The following CCDC9 variants were observed in gnomAD, a reference collection of about 807,000 sequenced individuals.
CCDC9 encodes the protein coiled-coil domain-containing protein 9.
In CCDC9, 52 loss-of-function variants were observed where a neutral mutation model predicts 65.6. The observed-to-expected ratio is 0.79, with a 90% CI of 0.63 to 1.00. The LOEUF is 1.00. CCDC9 is among the 50% of genes least tolerant of loss of function. The probability of loss-of-function intolerance (pLI) is 0.00; values close to 1 mark genes in which losing one functional copy is unlikely to be tolerated. For synonymous variants in CCDC9, 332 were observed against 280.3 expected (o/e 1.18, Z -1.84); for missense variants, 834 against 757.2 (o/e 1.10, Z -1.19).
At position 47,271,313 on chromosome 19, in the gene CCDC9, G is replaced by GATGAGGGGGAAGAGA. The variant is rs1568642044; in HGVS notation, c.1232_1233insTGAGGGGGAAGAGAA (p.Asn416_Glu420dup). ...AGCTCCTGCCCACCGGCCTCCTGAA[G>GATGAGGGGGAAGAGA]ACGAGGGGGAAGAGAATGAGGGGGA... On this transcript the variant is annotated inframe_insertion, in exon 12 of 12. Transcript: ENST00000221922. 6.2e-7 allele frequency: 1 copy of GATGAGGGGGAAGAGA among 1,612,588 alleles called. No homozygotes were observed. Among genetic ancestry groups the GATGAGGGGGAAGAGA allele is most frequent in the East Asian group, 2.2e-5 (1 of 44,782 alleles).
chr19:47,267,317 C>T (rs1038152349), intron 8 of CCDC9, among the ~76,000 whole-genome samples: 1 of 152,100 alleles, frequency 6.6e-6, no homozygotes, highest in African/African-American at 2.4e-5. Flanking sequence ...CTCTGTCGCC[C>T]AGGCTGGATG....
intron 5 of CCDC9, 109 bp downstream of exon 5, chr19:47,260,948 C>T (rs2059041319): frequency 2.3e-6 from 3 of 1,292,854 alleles, no homozygotes; most frequent in Non-Finnish European, 3.2e-6. Flanking sequence ...CTTTCAGTAT[C>T]TCTCTCTGAG....
chr19:47,275,267 CT>C, downstream of CCDC9: 1 of 1,543,102 alleles, frequency 6.5e-7, no homozygotes, highest in South Asian at 1.2e-5. Context: ...GCCGCCGCCG[CT>C]ACAGCGACCC....
At chr19:47,273,622 C>T (rs1429140514), downstream of CCDC9, 10 of 394,166 alleles carry the variant, frequency 2.5e-5, no homozygotes, top group Non-Finnish European at 4.5e-5. Flanking sequence ...TAGTCGGGTG[C>T]AGGCCCCACC....
chr19:47,270,354 C>T, intron 8 of CCDC9, 53 bp from the exon 9 acceptor site: 5 of 1,577,190 alleles, frequency 3.2e-6, no homozygotes, highest in South Asian at 1.1e-5. Flanking sequence ...CTTCTTGATC[C>T]TCTTGTTACC....
intron 5 of CCDC9, among the ~76,000 whole-genome samples, chr19:47,264,400 C>T (rs1256017044): frequency 3.3e-5 from 5 of 152,236 alleles, no homozygotes; most frequent in South Asian, 2.1e-4. Context: ...ATGCAGCGTA[C>T]AGCGTGTTGT....
chr19:47,263,672 T>A (rs2059060425), intron 5 of CCDC9, among the ~76,000 whole-genome samples: 1 of 151,876 alleles, frequency 6.6e-6, no homozygotes, highest in Admixed American at 6.6e-5. Flanking sequence ...TTCAAGCAAT[T>A]CTCCTGTCTC....
At chr19:47,274,571 C>G, downstream of CCDC9, 1 of 180,414 alleles carries the variant, frequency 5.5e-6, no homozygotes, top group Non-Finnish European at 1.1e-5. Context: ...GACGAGGGGG[C>G]GGGCTCCGAG....
downstream of CCDC9, chr19:47,275,183 C>G (rs1032403033): frequency 3.4e-6 from 5 of 1,471,570 alleles, no homozygotes; most frequent in African/African-American, 7.4e-5. Flanking sequence ...TCCCGGCGCC[C>G]GCCGCTGCCT....
In CCDC9 at chr19:47,260,863, G is replaced by T. The variant is rs372091674; in HGVS notation, c.462+24G>T. The T allele has an allele frequency of 5.0e-6, 8 of 1,595,788 alleles. No homozygotes were observed. The Admixed American group carries it at 5.5e-5, about 11-fold the overall frequency. ...AGGTAGGAGCTAGGCAGCGCCTGGAGCCCTGGCTGAGGTTCTCTGTTGTCT... is the reference window on the plus strand; with the variant it reads ...AGGTAGGAGCTAGGCAGCGCCTGGATCCCTGGCTGAGGTTCTCTGTTGTCT... On this transcript the variant is annotated intron_variant, in intron 5 of 11. Coordinates refer to ENST00000221922, the MANE Select transcript of CCDC9 (RefSeq NM_015603.3).
downstream of CCDC9, chr19:47,275,506 A>G (rs1256355712): frequency 1.9e-6 from 2 of 1,056,598 alleles, no homozygotes; most frequent in Non-Finnish European, 2.6e-6. Flanking sequence ...AGGGGGTGTC[A>G]GCTCGGGGCC....
chr19:47,274,889 T>TCTGCGGCGCGGAGCCGAGTGGG, downstream of CCDC9: 1 of 1,241,212 alleles, frequency 8.1e-7, no homozygotes, highest in Non-Finnish European at 1.0e-6. Context: ...GCCTGTGCGG[T>TCTGCGGCGCGGAGCCGAGTGGG]CTGCGGCGCG....
In CCDC9 at chr19:47,271,825, C is replaced by A; in HGVS notation, c.*147C>A. 1 of 1,428,146 alleles carries A rather than the reference C, an allele frequency of 7.0e-7. No individual in the cohort carries two copies. The allele number at this position is 1,428,146 out of a possible 1,614,324, so 88.5% of individuals were successfully genotyped here. On this transcript the variant is annotated 3_prime_UTR_variant, in exon 12 of 12. Coordinates refer to ENST00000221922, the MANE Select transcript of CCDC9 (RefSeq NM_015603.3). ...CCTGGGACCCAGTGTGCCCCACAGC[C>A]CTGTCAGCTGAGGGGGTAGCGCAGC...
rs758468860 is a variant in CCDC9 at position 47,264,589 on chromosome 19, C to A, written c.463-14C>A. ...TCTCCCTGAAGCTGGGTGTCCCTAT[C>A]TTTATCCCCCCAGGAGTGGGAGGAG... is the stretch of plus-strand genomic sequence containing the variant. On this transcript the variant is annotated splice_polypyrimidine_tract_variant and intron_variant, in intron 5 of 11. Coordinates refer to ENST00000221922, the MANE Select transcript of CCDC9 (RefSeq NM_015603.3). The A allele has an allele frequency of 1.9e-6, 3 of 1,581,240 alleles. No homozygotes were observed. The highest frequency in any genetic ancestry group is 2.6e-6 in the Non-Finnish European group (3 of 1,163,526).
At chr19:47,263,820 T>C (rs529253737) in intron 5 of CCDC9, among the ~76,000 whole-genome samples, 1 of 152,022 alleles carries the variant, frequency 6.6e-6, no homozygotes, top group South Asian at 2.1e-4. Context: ...TGCCTCGGCC[T>C]TCCAAAGTGC....
chr19:47,266,814 C>T (rs759447821), intron 8 of CCDC9, 22 bp downstream of exon 8: 1 of 1,590,844 alleles, frequency 6.3e-7, no homozygotes, highest in South Asian at 1.1e-5. Flanking sequence ...CCCCGCTCCT[C>T]TCCCCATGTG....
intron 5 of CCDC9, 100 bp from the exon 6 acceptor site, chr19:47,264,503 C>A: frequency 1.8e-6 from 2 of 1,124,734 alleles, no homozygotes; most frequent in Non-Finnish European, 2.6e-6. Context: ...GCAGGCCAGT[C>A]CGAGGAGAGG....
At chr19:47,267,766 C>T (rs2059091909) in intron 8 of CCDC9, among the ~76,000 whole-genome samples, 1 of 152,210 alleles carries the variant, frequency 6.6e-6, no homozygotes, top group Non-Finnish European at 1.5e-5. Flanking sequence ...AGCGATTAGA[C>T]CTTTGCATCC....
downstream of CCDC9, chr19:47,275,242 A>G (rs1568645681): frequency 1.3e-6 from 2 of 1,536,338 alleles, no homozygotes. Flanking sequence ...CCCCAGCTCC[A>G]GCTGCCGCTG....
Sources: gnomAD v4.1 joint callset for allele counts (sites outside exome capture counted in the v4.1 genomes callset) on GRCh38, gnomAD v4.1.1 for gene constraint, MANE v1.5 for transcripts, NCBI Gene and HGNC (gene_info 2026-07-23, HGNC 2026-07-21) for gene names.